COL14A1: variants seen among roughly 807,000 people sequenced by gnomAD.
The protein encoded by COL14A1 is collagen type XIV alpha 1 chain.
In COL14A1, 136 loss-of-function variants were observed where a neutral mutation model predicts 230.3. That is an observed-to-expected ratio of 0.59 (90% CI 0.51 to 0.68). The LOEUF (loss-of-function observed/expected upper bound fraction) is 0.68, where lower values mean the gene tolerates loss of function less well. Among genes scored for constraint, COL14A1 ranks in the 30% least tolerant of loss-of-function variants. The pLI is 0.00. For missense variants in COL14A1, 1,976 were observed against 2,215.8 expected (o/e 0.89, Z 2.17); for synonymous variants, 792 against 784.1 (o/e 1.01, Z -0.17).
rs753829521 is a variant in COL14A1 at position 120,158,061 on chromosome 8, A to G, written c.89-69A>G. 1.2e-5 allele frequency: 10 copies of G among 828,598 alleles called. No individual in the cohort carries two copies. The Admixed American group carries it at 2.2e-4, about 18-fold the overall frequency. 51.3% of individuals were successfully genotyped at this position (828,598 alleles called of 1,614,324 possible). Reference sequence around the variant, plus strand: ...TGTGTATTTTTATTATACTACTTTGACTTTCTGATTTAACAAATAGAAGCT... The same window carrying G: ...TGTGTATTTTTATTATACTACTTTGGCTTTCTGATTTAACAAATAGAAGCT... On this transcript the variant is annotated intron_variant, in intron 2 of 47. Transcript: ENST00000297848.
At chr8:120,330,944 A>G (rs879366436) in intron 40 of COL14A1, among the ~76,000 whole-genome samples, 1 of 152,010 alleles carries the variant, frequency 6.6e-6, no homozygotes, top group Admixed American at 6.6e-5. Context: ...CATCTCTACT[A>G]AAAATACGAA....
intron 15 of COL14A1, among the ~76,000 whole-genome samples, chr8:120,225,432 A>G (rs1019896306): frequency 3.3e-5 from 5 of 152,136 alleles, no homozygotes; most frequent in African/African-American, 9.7e-5. Context: ...GACCACCTAA[A>G]TTCAAAAGGT....
intron 19 of COL14A1, among the ~76,000 whole-genome samples, chr8:120,240,709 A>G (rs1259304007): frequency 1.3e-5 from 2 of 152,234 alleles, no homozygotes. Context: ...GTGTACTATA[A>G]CATTGTAGAC....
At chr8:120,193,975 G>C (rs1816934328) in intron 5 of COL14A1, among the ~76,000 whole-genome samples, 1 of 152,196 alleles carries the variant, frequency 6.6e-6, no homozygotes, top group Non-Finnish European at 1.5e-5. Context: ...GACTAGGAAA[G>C]GGAACTCCCT....
At chr8:120,186,854 G>A (rs1816669374) in intron 5 of COL14A1, among the ~76,000 whole-genome samples, 1 of 152,170 alleles carries the variant, frequency 6.6e-6, no homozygotes, top group Non-Finnish European at 1.5e-5. Context: ...TGGCTAAAAA[G>A]ACAAGTTACA....
chr8:120,253,302 C>T (rs1819034320), intron 22 of COL14A1, among the ~76,000 whole-genome samples: 1 of 152,104 alleles, frequency 6.6e-6, no homozygotes, highest in Non-Finnish European at 1.5e-5. Flanking sequence ...AGCCACTACG[C>T]CCAGCCCTGT....
In COL14A1 at chr8:120,196,945, T is replaced by A. The variant is rs756025821; in HGVS notation, c.591T>A (p.Ile197=). 1 of 1,613,572 alleles carries A rather than the reference T, an allele frequency of 6.2e-7. No individual in the cohort carries two copies. The highest frequency in any genetic ancestry group is 2.2e-5 in the East Asian group (1 of 44,860). ...ATGTGGGCTCAGAGAAGACACGAAT[T>A]GGTATAATTTCTATTATTAGCAGTA... ...AFDVGSEKTR[I]GLAQYSGDPR... The change falls in exon 6 of 48, where the codon ATT becomes ATA. Residue 197 remains isoleucine, a splice_region_variant and synonymous_variant. Transcript: ENST00000297848.
chr8:120,240,972 G>A (rs1481738298), intron 19 of COL14A1, among the ~76,000 whole-genome samples: 1 of 152,148 alleles, frequency 6.6e-6, no homozygotes, highest in Admixed American at 6.5e-5. Flanking sequence ...TGTCAGGGTA[G>A]GAAGGTCTCT....
intron 14 of COL14A1, among the ~76,000 whole-genome samples, chr8:120,218,419 CT>C (rs1817832088): frequency 6.6e-6 from 1 of 151,468 alleles, no homozygotes; most frequent in African/African-American, 2.4e-5. Flanking sequence ...AAGTGATTCT[CT>C]TGGCTCAGCC....
At chr8:120,335,670 T>C (rs1440975897) in intron 42 of COL14A1, among the ~76,000 whole-genome samples, 1 of 152,220 alleles carries the variant, frequency 6.6e-6, no homozygotes, top group Admixed American at 6.5e-5. Context: ...ACATGTTTCC[T>C]ACAGTGGGTG....
intron 8 of COL14A1, among the ~76,000 whole-genome samples, chr8:120,200,768 A>ATATATATT (rs1817224987): frequency 2.6e-5 from 2 of 77,986 alleles, no homozygotes; most frequent in Non-Finnish European, 5.6e-5. Flanking sequence ...TATATATATT[A>ATATATATT]TTTTTCATCA....
chr8:120,269,317 G>A (rs1270926239), intron 25 of COL14A1, among the ~76,000 whole-genome samples: 1 of 151,774 alleles, frequency 6.6e-6, no homozygotes, highest in Non-Finnish European at 1.5e-5. Flanking sequence ...AATGTTCTCA[G>A]TAGAGTAGGT....
chr8:120,171,630 G>A (rs1010604226), intron 5 of COL14A1, among the ~76,000 whole-genome samples: 2 of 151,984 alleles, frequency 1.3e-5, no homozygotes, highest in Non-Finnish European at 2.9e-5. Context: ...TTTCTCTCTG[G>A]TTGCGTTTCA....
At chr8:120,322,873 G>A (rs1265634314) in intron 40 of COL14A1, among the ~76,000 whole-genome samples, 1 of 152,198 alleles carries the variant, frequency 6.6e-6, no homozygotes, top group African/African-American at 2.4e-5. Context: ...ACACATGCAT[G>A]TGTCTTTATA....
chr8:120,143,589 C>T (rs1161009993), intron 1 of COL14A1, among the ~76,000 whole-genome samples: 1 of 152,144 alleles, frequency 6.6e-6, no homozygotes, highest in African/African-American at 2.4e-5. Flanking sequence ...CGAGATCGCA[C>T]CACTGCACTC....
intron 2 of COL14A1, among the ~76,000 whole-genome samples, chr8:120,155,375 C>T (rs142355924): frequency 2.8e-4 from 42 of 152,278 alleles, no homozygotes; most frequent in Middle Eastern, 3.4e-3. Context: ...ACATGCTCCA[C>T]GTTGCCCTCA....
chr8:120,347,113 C>T lies in COL14A1; in HGVS notation c.5077+1550C>T, dbSNP rs1354006834. 2.0e-5 allele frequency among the ~76,000 whole-genome samples: 3 copies of T among 152,100 alleles called. No homozygotes were observed. In the East Asian group the frequency reaches 5.8e-4, roughly 29 times the overall value. On this transcript the variant is annotated intron_variant, in intron 45 of 47. Coordinates refer to ENST00000297848, the MANE Select transcript of COL14A1 (RefSeq NM_021110.4). ...ACAGAGCCAGCACCTGAGTCATTCC[C>T]AGCAAGTCATAAGTTGTCTTTGTTC... is the stretch of plus-strand genomic sequence containing the variant.
rs370853805 is a variant in COL14A1, at chr8:120,252,849, C to T, written c.2752+2083C>T. Among the ~76,000 whole-genome samples, 59 of 152,284 alleles carry T rather than the reference C, an allele frequency of 3.9e-4. No homozygotes were observed. In the East Asian group the frequency reaches 0.011, roughly 28 times the overall value. Reference sequence around the variant, plus strand: ...GGCCATATATTAAGCCAGACCCCAGCGCCCCCCGATTGCATATAGGGCCAG... The same window carrying T: ...GGCCATATATTAAGCCAGACCCCAGTGCCCCCCGATTGCATATAGGGCCAG... On this transcript the variant is annotated intron_variant, in intron 22 of 47. Transcript: ENST00000297848.
chr8:120,231,617 C>T lies in COL14A1; in HGVS notation c.2348C>T (p.Thr783Met), dbSNP rs145606030. The T allele has an allele frequency of 2.1e-5, 34 of 1,612,742 alleles. No homozygotes were observed. The highest frequency in any genetic ancestry group is 1.7e-4 in the African/African-American group (13 of 74,854). Reference protein sequence around the residue: ...QGDPEEEVIGTVMVPGSQNNL... With the variant: ...QGDPEEEVIGMVMVPGSQNNL... Reference sequence around the variant, plus strand: ...GACCCTGAGGAAGAAGTCATAGGAACGGTCTGTATAAATTCAACTGACTAG... The same window carrying T: ...GACCCTGAGGAAGAAGTCATAGGAATGGTCTGTATAAATTCAACTGACTAG... The change falls in exon 19 of 48, where the codon ACG becomes ATG. Residue 783 changes from threonine to methionine, a missense_variant and splice_region_variant. This residue lies in a region of COL14A1 where 1,791 missense variants were observed against 2,019.5 expected (regional missense o/e 0.89). Transcript: ENST00000297848.
Sources: allele counts gnomAD v4.1 joint callset (sites outside exome capture counted in the v4.1 genomes callset), GRCh38; gene constraint gnomAD v4.1.1; regional missense constraint gnomAD v4.1.1; transcripts MANE v1.5; gene names NCBI Gene and HGNC (gene_info 2026-07-23, HGNC 2026-07-21).